Variants in TSPEAR observed in about 807,000 individuals in gnomAD.
TSPEAR encodes thrombospondin-type laminin G domain and EAR repeat-containing protein.
In TSPEAR, 69 loss-of-function variants were observed where a neutral mutation model predicts 71.6. The ratio of observed to expected loss-of-function variants is 0.96; its 90% CI spans 0.79 to 1.18. The LOEUF is 1.18. Ranked by LOEUF, TSPEAR falls within the 50% of genes most tolerant of loss-of-function variation. The pLI is 0.00. For synonymous variants in TSPEAR, 402 were observed against 387.2 expected (o/e 1.04, Z -0.45); for missense variants, 971 against 894.9 (o/e 1.09, Z -1.09).
At position 44,499,816 on chromosome 21, in the gene TSPEAR, G is replaced by A. The variant is rs782716645; in HGVS notation, c.1977C>T (p.Pro659=). ...AYLIYSSAKE[P]LSRVLRLRTR is the part of the protein sequence containing the mutation. ...TCCTCAGCCGCAGGACCCTGGAGAG[G>A]GGCTCCTTGGCGCTGGAGTAGATGA... Residue 659 remains proline, a synonymous_variant, in exon 12 of 12, where the codon CCC becomes CCT. Transcript: ENST00000323084. The A allele has an allele frequency of 6.3e-7, 1 of 1,579,652 alleles. No homozygotes were observed. Among genetic ancestry groups the A allele is most frequent in the South Asian group, 1.2e-5 (1 of 86,250 alleles).
chr21:44,511,432 A>T (rs782738924), intron 9 of TSPEAR, among the ~76,000 whole-genome samples: 35 of 152,234 alleles, frequency 2.3e-4, no homozygotes, highest in Non-Finnish European at 4.0e-4. Flanking sequence ...ATGTGGATAC[A>T]CATGCAGATA....
chr21:44,587,454 C>T (rs1024521927), intron 1 of TSPEAR, among the ~76,000 whole-genome samples: 11 of 152,118 alleles, frequency 7.2e-5, no homozygotes, highest in African/African-American at 2.7e-4. Flanking sequence ...GTGAAAATGA[C>T]CATAGTGCCA....
chr21:44,567,607 C>T (rs587633135), intron 2 of TSPEAR, among the ~76,000 whole-genome samples, 178 bp downstream of exon 2: 1 of 152,342 alleles, frequency 6.6e-6, no homozygotes, highest in South Asian at 2.1e-4. Context: ...CACAGACTCT[C>T]ACATACTGCC....
At chr21:44,527,922 C>T (rs748313506) in intron 6 of TSPEAR, among the ~76,000 whole-genome samples, 37 of 152,168 alleles carry the variant, frequency 2.4e-4, no homozygotes, top group Admixed American at 4.6e-4. Flanking sequence ...GCAGCGGGAA[C>T]GGACTGCTGA....
intron 1 of TSPEAR, among the ~76,000 whole-genome samples, chr21:44,637,057 C>A (rs1176845316): frequency 6.6e-6 from 1 of 152,202 alleles, no homozygotes; most frequent in African/African-American, 2.4e-5. Context: ...TGAGGGCCCA[C>A]GCTGGGCACA....
chr21:44,678,075 G>A, intron 1 of TSPEAR: 1 of 682,294 alleles, frequency 1.5e-6, no homozygotes, highest in Non-Finnish European at 2.7e-6. Context: ...ATAACTGACA[G>A]GCCCGCAGTA....
chr21:44,702,112 A>T (rs1987676799), intron 1 of TSPEAR: 1 of 1,011,420 alleles, frequency 9.9e-7, no homozygotes, highest in Non-Finnish European at 1.4e-6. Context: ...AACTTCACCC[A>T]GGAGAGGCAG....
chr21:44,569,097 C>T (rs973400376), intron 1 of TSPEAR, among the ~76,000 whole-genome samples: 3 of 152,208 alleles, frequency 2.0e-5, no homozygotes, highest in Non-Finnish European at 4.4e-5. Context: ...GGAGAAGGCA[C>T]AGCCCTTCCT....
chr21:44,607,465 A>C (rs1981384817), intron 1 of TSPEAR, among the ~76,000 whole-genome samples: 1 of 152,262 alleles, frequency 6.6e-6, no homozygotes, highest in Admixed American at 6.5e-5. Flanking sequence ...TGTCAGTTTA[A>C]AAATTAGTAA....
chr21:44,698,054 T>A, intron 1 of TSPEAR: 2 of 1,310,978 alleles, frequency 1.5e-6, no homozygotes, highest in Non-Finnish European at 2.1e-6. Flanking sequence ...CTGGTGTCTG[T>A]CTCTTCCTTG....
At chr21:44,600,909 G>T in intron 1 of TSPEAR, 1 of 1,612,354 alleles carries the variant, frequency 6.2e-7, no homozygotes. Context: ...CTAGCTGCCA[G>T]CTGGCTTGCT....
At chr21:44,627,041 TG>T in intron 1 of TSPEAR, 1 of 1,413,796 alleles carries the variant, frequency 7.1e-7, no homozygotes, top group East Asian at 2.3e-5. Context: ...CTGTGGGCCC[TG>T]GAACAACAAG....
rs187632375 is a variant in TSPEAR at position 44,603,550 on chromosome 21, C to T, written c.83-35545G>A. On this transcript the variant is annotated intron_variant, in intron 1 of 11. Transcript: ENST00000323084. ...TGTGAGCCTCTGGGGAAACACGCCC[C>T]CCACGCCCCGGGTGTGAACTTCAGG... 6.0e-4 allele frequency among the ~76,000 whole-genome samples: 92 copies of T among 152,336 alleles called. 1 individual carries two copies. Among genetic ancestry groups the T allele is most frequent in the Admixed American group, 4.8e-3 (74 of 15,304 alleles).
chr21:44,661,748 A>T (rs1555943670), intron 1 of TSPEAR, among the ~76,000 whole-genome samples: 1 of 152,166 alleles, frequency 6.6e-6, no homozygotes, highest in African/African-American at 2.4e-5. Flanking sequence ...ACGTGGCCAG[A>T]GCAGGAGCAG....
At chr21:44,591,662 A>G (rs1979858280) in intron 1 of TSPEAR, 1 of 1,612,260 alleles carries the variant, frequency 6.2e-7, no homozygotes, top group African/African-American at 1.3e-5. Flanking sequence ...GCCCCAGAGC[A>G]GACGGGCACA....
rs1310885895 is a variant in TSPEAR at position 44,695,278 on chromosome 21, T to C, written c.82+16155A>G. Among the ~76,000 whole-genome samples the C allele has an allele frequency of 6.6e-6, 1 of 152,160 alleles. No homozygotes were observed. The highest frequency in any genetic ancestry group is 2.4e-5 in the African/African-American group (1 of 41,428). On this transcript the variant is annotated intron_variant, in intron 1 of 11. Transcript: ENST00000323084. The surrounding 1 kb of genome is among the most constrained non-coding windows in gnomAD (Gnocchi z 4.5). The stretch of plus-strand genomic sequence containing the variant: ...TCCCACTGGACTGGACGCTGTGCTG[T>C]CTCTCAGGTACGCAAGTGCACCACA...
At chr21:44,620,110 T>G (rs782683274) in intron 1 of TSPEAR, among the ~76,000 whole-genome samples, 1 of 152,198 alleles carries the variant, frequency 6.6e-6, no homozygotes, top group Non-Finnish European at 1.5e-5. Flanking sequence ...AACAGCGGAT[T>G]TCTCATCAGA....
intron 1 of TSPEAR, chr21:44,666,239 C>T: frequency 1.7e-6 from 1 of 594,260 alleles, no homozygotes; most frequent in Non-Finnish European, 2.9e-6. Flanking sequence ...GAGAATGACT[C>T]TGGGACCCCA....
In TSPEAR at chr21:44,646,217, C is replaced by T. The variant is rs186950143; in HGVS notation, c.82+65216G>A. 4.0e-3 allele frequency among the ~76,000 whole-genome samples: 609 copies of T among 151,020 alleles called. 4 individuals carry two copies. Among genetic ancestry groups the T allele is most frequent in the African/African-American group, 0.014 (575 of 40,994 alleles). ...AAACTGATGAAGAAACAGAGCCCTG[C>T]GACATACATACCAGTTTAATAAGGG... is the stretch of plus-strand genomic sequence containing the variant. On this transcript the variant is annotated intron_variant, in intron 1 of 11. Coordinates refer to ENST00000323084, the MANE Select transcript of TSPEAR (RefSeq NM_144991.3).
Sources: allele counts gnomAD v4.1 joint callset (sites outside exome capture counted in the v4.1 genomes callset), GRCh38; gene constraint gnomAD v4.1.1; non-coding constraint Gnocchi (gnomAD v3.1); transcripts MANE v1.5; gene names NCBI Gene and HGNC (gene_info 2026-07-23, HGNC 2026-07-21).